Variants in THOC2 observed in about 807,000 individuals in gnomAD.
THOC2 encodes the protein THO complex subunit 2, also known as THO complex 2.
A neutral mutation model predicts 128.4 loss-of-function variants in THOC2; 10 were observed. The ratio of observed to expected loss-of-function variants is 0.08; its 90% CI spans 0.05 to 0.13. The LOEUF (loss-of-function observed/expected upper bound fraction) is 0.13. Ranked by LOEUF, THOC2 falls within the 10% of genes least tolerant of loss-of-function variation. The pLI is 1.00. For synonymous variants in THOC2, 393 were observed against 396.9 expected, an observed-to-expected ratio of 0.99 and a Z score of 0.12; for missense variants, 535 against 1,155.7, an observed-to-expected ratio of 0.46 and a Z score of 7.79.
At chrX:123,692,311 A>C (rs1389865153) in intron 7 of THOC2, among the ~76,000 whole-genome samples, 1 of 111,189 alleles carries the variant, frequency 9.0e-6, no homozygotes, top group Non-Finnish European at 1.9e-5. Flanking sequence ...GCAGCTCAAT[A>C]GTCTACTGTT....
intron 17 of THOC2, among the ~76,000 whole-genome samples, chrX:123,638,523 G>T (rs1157824839): frequency 9.0e-6 from 1 of 110,848 alleles, no homozygotes; most frequent in East Asian, 2.8e-4. Flanking sequence ...GCCAGGTGTG[G>T]TAGCACACGC....
At chrX:123,623,741 T>C (rs1237204268) in intron 28 of THOC2, 46 bp downstream of exon 28, 1 of 1,199,088 alleles carries the variant, frequency 8.3e-7, no homozygotes, top group Admixed American at 2.2e-5. Flanking sequence ...TCAGAATCCT[T>C]CTGTCATCTA....
At chrX:123,649,343 G>A (rs1479784793) in intron 12 of THOC2, among the ~76,000 whole-genome samples, 2 of 111,491 alleles carry the variant, frequency 1.8e-5, no homozygotes, top group African/African-American at 3.3e-5. Flanking sequence ...CCATGAAGAT[G>A]AGAAAAAAAC....
intron 1 of THOC2, among the ~76,000 whole-genome samples, chrX:123,718,113 T>A (rs978653131): frequency 8.9e-6 from 1 of 112,062 alleles, no homozygotes. Context: ...TGGAACAGAA[T>A]AGAGAGCGCA....
rs763157186 is a variant in THOC2, at chrX:123,686,679, C to T, written c.637G>A (p.Val213Ile). The T allele has an allele frequency of 1.7e-6, 2 of 1,199,162 alleles. No homozygotes were observed. Among genetic ancestry groups the T allele is most frequent in the South Asian group, 1.9e-5 (1 of 53,555 alleles). ...CTGCATTCAAACACTTCTAAAATGA[C>T]ATCCAAAACTCTATTGGGATCCAGA... is the stretch of plus-strand genomic sequence containing the variant. ...FNLDPNRVLD[V>I]ILEVFECRPE... Residue 213 changes from valine (V) to isoleucine (I), a missense_variant, in exon 8 of 39, where the codon GTC becomes ATC. Coordinates refer to ENST00000245838, the MANE Select transcript of THOC2 (RefSeq NM_001081550.2).
chrX:123,686,292 C>T (rs1300675522), intron 8 of THOC2, among the ~76,000 whole-genome samples: 2 of 111,426 alleles, frequency 1.8e-5, no homozygotes, highest in African/African-American at 6.5e-5. Flanking sequence ...AAAAAAGACA[C>T]ATCTATAAAG....
At chrX:123,692,829 A>G (rs1049034175) in intron 7 of THOC2, among the ~76,000 whole-genome samples, 7 of 111,628 alleles carry the variant, frequency 6.3e-5, no homozygotes, top group Admixed American at 1.9e-4. Context: ...CTAAAGGATG[A>G]TAAGTAAGGA....
chrX:123,605,219 C>T (rs2046422459), intron 38 of THOC2, among the ~76,000 whole-genome samples: 1 of 111,023 alleles, frequency 9.0e-6, no homozygotes, highest in African/African-American at 3.3e-5. Flanking sequence ...ACACTCAGGG[C>T]AAATGTTGTA....
At position 123,706,918 on chromosome X, in the gene THOC2, A is replaced by G. The variant is rs765998431; in HGVS notation, c.162T>C (p.Tyr54=). 6 of 1,158,971 alleles carry G rather than the reference A, an allele frequency of 5.2e-6. No homozygotes were observed. The highest frequency in any genetic ancestry group is 6.9e-6 in the Non-Finnish European group (6 of 864,800). ...GCTTTAGATTTCCTTTAATTACATG[A>G]TATGACAACTCATAGAGAGCTTGCT... ...DFQQALYELS[Y]HVIKGNLKHE... is the part of the protein sequence containing the mutation. The change falls in exon 3 of 39, where the codon TAT becomes TAC. Residue 54 remains tyrosine (Y), a synonymous_variant. Coordinates refer to ENST00000245838, the MANE Select transcript of THOC2 (RefSeq NM_001081550.2).
intron 22 of THOC2, 123 bp downstream of exon 22, chrX:123,631,565 A>T (rs1449681505): frequency 2.8e-6 from 2 of 723,037 alleles, no homozygotes; most frequent in East Asian, 6.8e-5. Context: ...GGAAACAAAG[A>T]AGGGATCCTA....
Position 123,621,499 on chromosome X carries a change from C to A in THOC2, c.3874G>T (p.Ala1292Ser), listed in dbSNP as rs748544130. ...KEKTPATTPE[A>S]RVLGKDGKEK... The stretch of plus-strand genomic sequence containing the variant: ...TTACCATCTTTACCAAGTACCCTGG[C>A]CTCTGGAGTAGTAGCTGGAGTCTTT... Residue 1292 changes from alanine (A) to serine (S), a missense_variant, in exon 31 of 39, where the codon GCC becomes TCC. By Grantham distance (99) the Ala-to-Ser change is moderately conservative. Around this residue, in one of 9 missense-constraint regions of THOC2, gnomAD observed 116 missense variants for 180.0 expected, o/e 0.64. Transcript: ENST00000245838. 2.5e-6 allele frequency: 3 copies of A among 1,204,569 alleles called. No individual in the cohort carries two copies. The highest frequency in any genetic ancestry group is 3.5e-5 in the African/African-American group (2 of 56,753).
intron 2 of THOC2, among the ~76,000 whole-genome samples, chrX:123,710,672 A>G (rs2051140964): frequency 9.0e-6 from 1 of 110,626 alleles, no homozygotes; most frequent in African/African-American, 3.3e-5. Flanking sequence ...TGACAGGGTG[A>G]AAAATGGCTT....
At chrX:123,641,102 A>G (rs2047895932) in intron 15 of THOC2, among the ~76,000 whole-genome samples, 1 of 110,947 alleles carries the variant, frequency 9.0e-6, no homozygotes, top group African/African-American at 3.3e-5. Flanking sequence ...CTCAATATGT[A>G]AAGTTATCTG....
chrX:123,632,805 C>A, intron 21 of THOC2, 56 bp downstream of exon 21: 1 of 971,126 alleles, frequency 1.0e-6, no homozygotes, highest in Non-Finnish European at 1.4e-6. Flanking sequence ...AACACATTAT[C>A]CTCCTTTAAC....
chrX:123,726,071 T>C (rs2051965956), intron 1 of THOC2, among the ~76,000 whole-genome samples: 1 of 111,083 alleles, frequency 9.0e-6, no homozygotes, highest in Non-Finnish European at 1.9e-5. Flanking sequence ...TAGCCGGGCT[T>C]GGTGGCCAAT....
At chrX:123,684,872 A>T (rs1741367918) in intron 8 of THOC2, among the ~76,000 whole-genome samples, 1 of 112,382 alleles carries the variant, frequency 8.9e-6, no homozygotes, top group Admixed American at 9.4e-5. Context: ...ATCATTTAAG[A>T]ATACTAAAAG....
At chrX:123,630,685 T>C (rs1300828467) in intron 22 of THOC2, among the ~76,000 whole-genome samples, 1 of 105,364 alleles carries the variant, frequency 9.5e-6, no homozygotes, top group Non-Finnish European at 1.9e-5. Flanking sequence ...AGCCTGCTGA[T>C]AGTTTATAGA....
chrX:123,705,817 G>A (rs965504740), intron 3 of THOC2, among the ~76,000 whole-genome samples: 1 of 110,983 alleles, frequency 9.0e-6, no homozygotes, highest in African/African-American at 3.3e-5. Flanking sequence ...AGACCAAGAA[G>A]CTTCAAATCC....
chrX:123,609,341 A>T (rs2046610204), intron 38 of THOC2, among the ~76,000 whole-genome samples: 1 of 111,841 alleles, frequency 8.9e-6, no homozygotes, highest in Admixed American at 9.4e-5. Context: ...TTCTTTTATA[A>T]CTCTCATTTA....
Sources: gnomAD v4.1 joint callset for allele counts (sites outside exome capture counted in the v4.1 genomes callset) on GRCh38, gnomAD v4.1.1 for gene constraint, gnomAD v4.1.1 regional missense constraint, MANE v1.5 for transcripts, NCBI Gene and HGNC (gene_info 2026-07-23, HGNC 2026-07-21) for gene names.